VPS13D: variants seen among roughly 807,000 people sequenced by gnomAD.
VPS13D encodes vacuolar protein sorting 13 homolog D.
A neutral mutation model predicts 461.9 loss-of-function variants in VPS13D; 187 were observed. The ratio of observed to expected loss-of-function variants is 0.40; its 90% CI spans 0.36 to 0.46. The LOEUF (loss-of-function observed/expected upper bound fraction) is 0.46, where lower values mean the gene tolerates loss of function less well. Ranked by LOEUF, VPS13D falls within the 20% of genes least tolerant of loss-of-function variation. VPS13D has a pLI of 0.60. For missense variants in VPS13D, 4,711 were observed against 5,364.9 expected (o/e 0.88, Z 3.81); for synonymous variants, 1,951 against 1,986.3 (o/e 0.98, Z 0.47).
intron 2 of VPS13D, among the ~76,000 whole-genome samples, chr1:12,235,147 G>T (rs1191195445): frequency 1.3e-5 from 2 of 152,254 alleles, no homozygotes; most frequent in Non-Finnish European, 2.9e-5. Flanking sequence ...ATGGGAAGGA[G>T]ACTTCAAATA....
intron 67 of VPS13D, among the ~76,000 whole-genome samples, chr1:12,494,342 A>G (rs1645926991): frequency 6.6e-6 from 1 of 152,062 alleles, no homozygotes; most frequent in South Asian, 2.1e-4. Context: ...AGGTTAAAAA[A>G]TAATGTATTG....
chr1:12,275,094 A>G (rs958394691), intron 18 of VPS13D, among the ~76,000 whole-genome samples: 1 of 152,092 alleles, frequency 6.6e-6, no homozygotes, highest in Non-Finnish European at 1.5e-5. Context: ...TAGCAGGCAC[A>G]TGTAATCCCA....
intron 65 of VPS13D, among the ~76,000 whole-genome samples, chr1:12,438,578 TC>T (rs1645090705): frequency 6.6e-6 from 1 of 152,218 alleles, no homozygotes; most frequent in African/African-American, 2.4e-5. Context: ...TTTTCATTGA[TC>T]CTTCCCTGTT....
At chr1:12,453,956 G>A (rs1463724112) in intron 65 of VPS13D, 1 of 152,222 alleles carries the variant, frequency 6.6e-6, no homozygotes, top group South Asian at 2.1e-4. Context: ...CTGCTGGAAA[G>A]AGAGGATTTT....
intron 10 of VPS13D, among the ~76,000 whole-genome samples, chr1:12,258,384 G>C (rs1054205293): frequency 6.6e-6 from 1 of 151,966 alleles, no homozygotes; most frequent in Admixed American, 6.6e-5. Context: ...TCAAGAGACT[G>C]TTTCATACAG....
chr1:12,346,818 T>G (rs904343193), intron 44 of VPS13D, among the ~76,000 whole-genome samples, 166 bp downstream of exon 44: 1 of 152,210 alleles, frequency 6.6e-6, no homozygotes, highest in Non-Finnish European at 1.5e-5. Flanking sequence ...TTCCAAAAAC[T>G]TGCAAGAAAA....
At position 12,282,832 on chromosome 1, in the gene VPS13D, C is replaced by A. The variant is rs756127714; in HGVS notation, c.4730C>A (p.Pro1577His). The change falls in exon 21 of 70, where the codon CCC (proline) becomes CAC (histidine). Residue 1577 changes from proline (P) to histidine (H), a missense_variant. Pro to His is a moderately conservative substitution (Grantham distance 77). Coordinates refer to ENST00000620676, the MANE Select transcript of VPS13D (RefSeq NM_015378.4). ...SSPCPDSPLP[P>H]LSTCGESSVE... ...CCTTGCCCTGATTCTCCTCTGCCTC[C>A]CCTCAGTACCTGTGGAGAATCTTCT... 1 of 1,614,114 alleles carries A rather than the reference C, an allele frequency of 6.2e-7. No homozygotes were observed. The highest frequency in any genetic ancestry group is 8.5e-7 in the Non-Finnish European group (1 of 1,180,014).
At chr1:12,245,346 G>A (rs1361326244) in intron 5 of VPS13D, among the ~76,000 whole-genome samples, 2 of 152,228 alleles carry the variant, frequency 1.3e-5, no homozygotes, top group African/African-American at 4.8e-5. Flanking sequence ...ACAGTCTGAG[G>A]TTTTTGATTT....
chr1:12,369,751 A>G (rs1055282556), intron 54 of VPS13D, 49 bp downstream of exon 54: 24 of 1,554,114 alleles, frequency 1.5e-5, no homozygotes, highest in Non-Finnish European at 2.1e-5. Context: ...GGTTCTAATT[A>G]TTAACAGGTT....
chr1:12,467,242 G>A (rs1645496772), intron 67 of VPS13D, among the ~76,000 whole-genome samples: 1 of 152,188 alleles, frequency 6.6e-6, no homozygotes, highest in Admixed American at 6.5e-5. Context: ...CACAACCTCG[G>A]CTCACTGCAT....
At chr1:12,382,392 C>T (rs1249206692) in intron 57 of VPS13D, among the ~76,000 whole-genome samples, 2 of 152,154 alleles carry the variant, frequency 1.3e-5, no homozygotes, top group Admixed American at 6.5e-5. Flanking sequence ...TGAGCCACCT[C>T]GCCTGGCTTG....
In VPS13D at chr1:12,293,604, A is replaced by G. The variant is rs1199307969; in HGVS notation, c.5933A>G (p.His1978Arg). ...SLRMASVQYV[H>R]TQRFQAEVVA... ...CGGATGGCCTCTGTGCAGTATGTGC[A>G]TACTCAGCGTTTCCAGGCAGAGGTG... is the stretch of plus-strand genomic sequence containing the variant. Residue 1978 changes from histidine (H) to arginine (R), a missense_variant, in exon 24 of 70, where the codon CAT becomes CGT. By Grantham distance (29) the His-to-Arg change is conservative. Around this residue, in one of 3 missense-constraint regions of VPS13D, gnomAD observed 4,411 missense variants for 4,937.8 expected, o/e 0.89. Coordinates refer to ENST00000620676, the MANE Select transcript of VPS13D (RefSeq NM_015378.4). 1.2e-6 allele frequency: 2 copies of G among 1,614,082 alleles called. No homozygotes were observed. The highest frequency in any genetic ancestry group is 1.3e-5 in the African/African-American group (1 of 74,928).
At chr1:12,459,519 G>A (rs1482672045) in intron 66 of VPS13D, among the ~76,000 whole-genome samples, 6 of 144,576 alleles carry the variant, frequency 4.2e-5, no homozygotes, top group Non-Finnish European at 7.5e-5. Flanking sequence ...TCGCTCGGTC[G>A]CCAGACTGGA....
chr1:12,258,129 C>T (rs202090863), intron 10 of VPS13D, 26 bp downstream of exon 10: 20 of 1,611,330 alleles, frequency 1.2e-5, no homozygotes, highest in Non-Finnish European at 1.7e-5. Context: ...TCTTGTGTTT[C>T]TTGTCTTATT....
At chr1:12,368,898 AGACATCGGCTTGTCAGT>A (rs1481590673) in intron 53 of VPS13D, among the ~76,000 whole-genome samples, 5 of 152,204 alleles carry the variant, frequency 3.3e-5, no homozygotes, top group Non-Finnish European at 7.3e-5. Context: ...AAACAGAGGA[AGACATCGGCTTGTCAGT>A]GACAATGGGA....
At chr1:12,478,272 G>A (rs1645661338) in intron 67 of VPS13D, among the ~76,000 whole-genome samples, 1 of 152,388 alleles carries the variant, frequency 6.6e-6, no homozygotes, top group Non-Finnish European at 1.5e-5. Context: ...AGTGCCGCGT[G>A]GGCCGGCCCA....
chr1:12,506,742 G>A, intron 68 of VPS13D, 111 bp from the exon 69 acceptor site: 2 of 1,379,296 alleles, frequency 1.5e-6, no homozygotes, highest in Non-Finnish European at 2.0e-6. Context: ...TCCCGGCAAG[G>A]GGGCCGGGAT....
In VPS13D at chr1:12,314,211, C is replaced by A. The variant is rs1642832063; in HGVS notation, c.7032C>A (p.Thr2344=). ...LVSHSMMAFD[T]RYAGQKTSPG... ...CCCATTCCATGATGGCTTTTGACACCCGTTATGCTGGGCAGAAGACCAGCC... is the reference window on the plus strand; with the variant it reads ...CCCATTCCATGATGGCTTTTGACACACGTTATGCTGGGCAGAAGACCAGCC... Residue 2344 remains threonine (T), a synonymous_variant, in exon 30 of 70, where the codon ACC becomes ACA. Transcript: ENST00000620676. 6.2e-7 allele frequency: 1 copy of A among 1,613,974 alleles called. No individual in the cohort carries two copies. Among genetic ancestry groups the A allele is most frequent in the African/African-American group, 1.3e-5 (1 of 74,888 alleles).
chr1:12,305,802 T>C (rs1035120875), intron 26 of VPS13D, among the ~76,000 whole-genome samples: 3 of 152,176 alleles, frequency 2.0e-5, no homozygotes, highest in Non-Finnish European at 4.4e-5. Context: ...TGGTACCTTA[T>C]AGTCCTAGAG....
Sources: allele counts gnomAD v4.1 joint callset (sites outside exome capture counted in the v4.1 genomes callset), GRCh38; gene constraint gnomAD v4.1.1; regional missense constraint gnomAD v4.1.1; transcripts MANE v1.5; gene names NCBI Gene and HGNC (gene_info 2026-07-23, HGNC 2026-07-21).